Variants in TBX1 observed in about 807,000 individuals in gnomAD.
TBX1 encodes T-box transcription factor 1.
In TBX1, 16 loss-of-function variants were observed where a neutral mutation model predicts 40.8. That is an observed-to-expected ratio of 0.39 (90% CI 0.27 to 0.60). The LOEUF is 0.60. TBX1 is among the 20% of genes least tolerant of loss of function. The probability of loss-of-function intolerance (pLI) is 0.51; values close to 1 mark genes in which losing one functional copy is unlikely to be tolerated. For missense variants in TBX1, 755 were observed against 728.5 expected, an observed-to-expected ratio of 1.04 and a Z score of -0.42; for synonymous variants, 403 against 336.8, an observed-to-expected ratio of 1.20 and a Z score of -2.15.
In TBX1 at chr22:19,761,250, G is replaced by A. The variant is rs761127806; in HGVS notation, c.407G>A (p.Gly136Asp). Reference sequence around the variant, plus strand: ...CTGTGGGACGAGTTCAACCAGCTGGGCACCGAGATGATCGTCACCAAGGCC... The same window carrying A: ...CTGTGGGACGAGTTCAACCAGCTGGACACCGAGATGATCGTCACCAAGGCC... Reference protein sequence around the residue: ...KALWDEFNQLGTEMIVTKAGR... With the variant: ...KALWDEFNQLDTEMIVTKAGR... The change falls in exon 1 of 7, where the codon GGC (glycine) becomes GAC (aspartate). Residue 136 changes from glycine to aspartate, a missense_variant. Physicochemically the swap from Gly to Asp is moderately conservative, Grantham distance 94 (BLOSUM62 -1). This residue lies in a region of TBX1 where 199 missense variants were observed against 173.0 expected (regional missense o/e 1.15). Coordinates refer to ENST00000649276, the MANE Select transcript of TBX1 (RefSeq NM_001379200.1). 11 of 1,567,166 alleles carry A rather than the reference G, an allele frequency of 7.0e-6. No homozygotes were observed. The highest frequency in any genetic ancestry group is 4.5e-5 in the South Asian group (4 of 88,196).
At chr22:19,774,688 T>C (rs984599871) in intron 8 of TBX1, among the ~76,000 whole-genome samples, 4 of 152,104 alleles carry the variant, frequency 2.6e-5, no homozygotes, top group African/African-American at 9.7e-5. Context: ...AACCCTGAGG[T>C]CCTTATGCTC....
chr22:19,766,406 C>A lies in TBX1; in HGVS notation c.1054C>A (p.Arg352=). Residue 352 remains arginine, a synonymous_variant, in exon 7 of 7, where the codon CGA becomes AGA. Coordinates refer to ENST00000649276, the MANE Select transcript of TBX1 (RefSeq NM_001379200.1). The part of the protein sequence containing the change: ...GTEKDAAEAR[R]EFQRDAGGPA... ...CTCCGCAGACGCGGCTGAGGCCCGG[C>A]GAGAATTCCAGCGCGACGCGGGCGG... 2.2e-6 allele frequency: 3 copies of A among 1,341,694 alleles called. No individual in the cohort carries two copies. The highest frequency in any genetic ancestry group is 1.8e-5 in the South Asian group (1 of 56,826). The allele number at this position is 1,341,694 out of a possible 1,614,324, so 83.1% of individuals were successfully genotyped here.
At chr22:19,763,617 C>CCTG in intron 2 of TBX1, 1 of 513,638 alleles carries the variant, frequency 1.9e-6, no homozygotes, top group South Asian at 2.1e-5. Flanking sequence ...CAGCCAAGTA[C>CCTG]TCAGCCCCGG....
chr22:19,767,422 G>A (rs764149342), downstream of TBX1: 9 of 982,388 alleles, frequency 9.2e-6, no homozygotes, highest in Non-Finnish European at 9.7e-6. Context: ...AGGGCCCTCA[G>A]GGCCTCCCCA....
chr22:19,759,412 C>A, upstream of TBX1: 1 of 1,252,218 alleles, frequency 8.0e-7, no homozygotes, highest in Non-Finnish European at 1.0e-6. Flanking sequence ...CGCCCCCGGA[C>A]TCCGTGGGCT....
At chr22:19,775,168 A>C (rs751363162) in intron 8 of TBX1, among the ~76,000 whole-genome samples, 2 of 152,096 alleles carry the variant, frequency 1.3e-5, no homozygotes, top group Non-Finnish European at 2.9e-5. Context: ...ATCTTGGCTC[A>C]CTGCAACCTT....
chr22:19,761,334 T>C, intron 1 of TBX1, 54 bp downstream of exon 1: 1 of 1,500,428 alleles, frequency 6.7e-7, no homozygotes. Flanking sequence ...CCGCCAGGGC[T>C]GCGGGCCTCC....
chr22:19,764,370 G>A (rs865795636), intron 3 of TBX1, 44 bp downstream of exon 3: 3 of 1,597,540 alleles, frequency 1.9e-6, no homozygotes, highest in Middle Eastern at 1.7e-4. Flanking sequence ...CCAAGGCCTC[G>A]AGTCCCGAGG....
chr22:19,777,035 A>G (rs1264253986), intron 8 of TBX1, among the ~76,000 whole-genome samples: 1 of 152,086 alleles, frequency 6.6e-6, no homozygotes, highest in African/African-American at 2.4e-5. Context: ...ATTGAACATT[A>G]AGGTTTTTTT....
At chr22:19,762,266 C>T (rs12166441) in intron 1 of TBX1, among the ~76,000 whole-genome samples, 4,612 of 152,332 alleles carry the variant, frequency 0.03, 206 homozygotes, top group African/African-American at 0.1. Flanking sequence ...GCCCACGTCC[C>T]GCAGCACCCT....
At chr22:19,777,711 G>A (rs189380240) in intron 8 of TBX1, among the ~76,000 whole-genome samples, 8 of 151,594 alleles carry the variant, frequency 5.3e-5, no homozygotes, top group African/African-American at 1.9e-4. Context: ...CCCTTTCACT[G>A]GGTTTCAGTG....
chr22:19,771,739 G>A (rs1287314209), downstream of TBX1, among the ~76,000 whole-genome samples: 1 of 152,180 alleles, frequency 6.6e-6, no homozygotes, highest in African/African-American at 2.4e-5. Context: ...TTTTTTGCCT[G>A]CATTTCAACA....
downstream of TBX1, among the ~76,000 whole-genome samples, chr22:19,770,550 G>T (rs1270879074): frequency 6.6e-6 from 1 of 152,366 alleles, no homozygotes; most frequent in African/African-American, 2.4e-5. Flanking sequence ...GACAAGGCGA[G>T]TCTGTTTGGT....
intron 8 of TBX1, among the ~76,000 whole-genome samples, chr22:19,776,860 C>T (rs756820537): frequency 2.6e-5 from 4 of 152,006 alleles, no homozygotes; most frequent in East Asian, 1.9e-4. Flanking sequence ...GAAGCAGGCT[C>T]GGGAGGTGCC....
downstream of TBX1, among the ~76,000 whole-genome samples, chr22:19,780,136 A>G (rs893288749): frequency 2.0e-5 from 3 of 152,204 alleles, no homozygotes; most frequent in East Asian, 5.8e-4. Flanking sequence ...ACGTAAATCA[A>G]ATTTACCATC....
intron 1 of TBX1, among the ~76,000 whole-genome samples, chr22:19,761,814 A>G (rs41298796): frequency 0.019 from 2,884 of 152,308 alleles, 79 homozygotes; most frequent in African/African-American, 0.064. Flanking sequence ...GTTGCGTGGA[A>G]GTTGCTACCC....
At chr22:19,761,417 C>T in intron 1 of TBX1, 137 bp downstream of exon 1, 1 of 1,224,820 alleles carries the variant, frequency 8.2e-7, no homozygotes, top group Non-Finnish European at 1.0e-6. Flanking sequence ...CCCTCTGGGC[C>T]CCGCTGCCTC....
At chr22:19,773,125 G>A (rs552675888) in intron 8 of TBX1, among the ~76,000 whole-genome samples, 12 of 152,334 alleles carry the variant, frequency 7.9e-5, no homozygotes, top group African/African-American at 2.2e-4. Context: ...GGCAAAATAC[G>A]GAAACAGCCA....
At chr22:19,775,031 G>A (rs912475001) in intron 8 of TBX1, among the ~76,000 whole-genome samples, 6 of 151,774 alleles carry the variant, frequency 4.0e-5, no homozygotes, top group South Asian at 2.1e-4. Flanking sequence ...CTTCCACCTC[G>A]GCCTCCCAAA....
Sources: gnomAD v4.1 joint callset for allele counts (sites outside exome capture counted in the v4.1 genomes callset) on GRCh38, gnomAD v4.1.1 for gene constraint, gnomAD v4.1.1 regional missense constraint, MANE v1.5 for transcripts, NCBI Gene and HGNC (gene_info 2026-07-23, HGNC 2026-07-21) for gene names.